MAP1S: variants seen among roughly 807,000 people sequenced by gnomAD.
The protein encoded by MAP1S is microtubule-associated protein 1S.
In MAP1S, 27 loss-of-function variants were observed where a neutral mutation model predicts 60.9. That is an observed-to-expected ratio of 0.44 (90% CI 0.33 to 0.61). MAP1S has a LOEUF of 0.61. Ranked by LOEUF, MAP1S falls within the 20% of genes least tolerant of loss-of-function variation. MAP1S has a pLI of 0.03. For missense variants in MAP1S, 1,608 were observed against 1,486.6 expected (o/e 1.08, Z -1.34); for synonymous variants, 826 against 694.2 (o/e 1.19, Z -2.98).
At chr19:17,719,728 G>C in intron 1 of MAP1S, 108 bp downstream of exon 1, 1 of 349,178 alleles carries the variant, frequency 2.9e-6, no homozygotes, top group Non-Finnish European at 4.1e-6. Flanking sequence ...GCGGGACCCG[G>C]GCTCCGGGGC....
intron 2 of MAP1S, among the ~76,000 whole-genome samples, chr19:17,723,440 C>G (rs1432165207): frequency 6.6e-6 from 1 of 151,820 alleles, no homozygotes; most frequent in Admixed American, 6.6e-5. Context: ...CCCAGCTACT[C>G]GGGAGGCTGA....
intron 1 of MAP1S, chr19:17,720,274 C>T: frequency 7.0e-7 from 1 of 1,418,532 alleles, no homozygotes; most frequent in Non-Finnish European, 9.2e-7. Flanking sequence ...AGCATCTGGA[C>T]CTGGCGTTTC....
rs141023970 is a variant in MAP1S at position 17,733,559 on chromosome 19, A to G, written c.3024+131A>G. 251 of 712,458 alleles carry G rather than the reference A, an allele frequency of 3.5e-4. No individual in the cohort carries two copies. In the African/African-American group the frequency reaches 3.6e-3, roughly 10 times the overall value. 44.1% of individuals were successfully genotyped at this position (712,458 alleles called of 1,614,324 possible). ...ATGGGGGCGAATGTGGGAGTCTCAC[A>G]TGGCTCAGCCCTTAGGGGTCTCTTC... On this transcript the variant is annotated intron_variant, in intron 6 of 6. Transcript: ENST00000324096.
In MAP1S at chr19:17,725,770, C is replaced by G; in HGVS notation, c.445-59C>G. On this transcript the variant is annotated intron_variant, in intron 4 of 6. Transcript: ENST00000324096. This position sits in a 1 kb window ranked among gnomAD's most constrained non-coding sequence, Gnocchi z 4.2. The stretch of plus-strand genomic sequence containing the variant: ...ATGAGGGTGTCCTCGCCCAGTTTTC[C>G]CACCGGGCTAGGTGTTGCCTGGCTC... 1 of 1,517,332 alleles carries G rather than the reference C, an allele frequency of 6.6e-7. No individual in the cohort carries two copies. Among genetic ancestry groups the G allele is most frequent in the Admixed American group, 2.0e-5 (1 of 49,482 alleles). 94.0% of individuals were successfully genotyped at this position (1,517,332 alleles called of 1,614,324 possible).
At position 17,727,757 on chromosome 19, in the gene MAP1S, G is replaced by T. The variant is rs2080453038; in HGVS notation, c.2373G>T (p.Leu791=). Residue 791 remains leucine, a synonymous_variant, in exon 5 of 7, where the codon CTG becomes CTT. Transcript: ENST00000324096. This position sits in a 1 kb window ranked among gnomAD's most constrained non-coding sequence, Gnocchi z 4.1. The part of the protein sequence containing the change: ...ETPPTSVSES[L]PTLSDSDPVP... ...CACCCACATCGGTCAGCGAGTCCCT[G>T]CCCACCCTGTCTGACTCGGATCCCG... is the stretch of plus-strand genomic sequence containing the variant. 1 of 1,608,628 alleles carries T rather than the reference G, an allele frequency of 6.2e-7. No homozygotes were observed. Among genetic ancestry groups the T allele is most frequent in the Non-Finnish European group, 8.5e-7 (1 of 1,177,520 alleles).
intron 5 of MAP1S, among the ~76,000 whole-genome samples, chr19:17,729,480 G>A (rs1039391939): frequency 6.6e-6 from 1 of 152,166 alleles, no homozygotes; most frequent in Non-Finnish European, 1.5e-5. Context: ...GCCTTGCTGA[G>A]AGGAGGGTCT....
At chr19:17,724,993 C>CT in intron 3 of MAP1S, 56 bp from the exon 4 acceptor site, 2 of 1,612,146 alleles carry the variant, frequency 1.2e-6, no homozygotes, top group Non-Finnish European at 1.7e-6. Flanking sequence ...CCAAAGAGGA[C>CT]TGCTGGATAC....
chr19:17,725,716 G>A lies in MAP1S; in HGVS notation c.445-113G>A, dbSNP rs553449451. On this transcript the variant is annotated intron_variant, in intron 4 of 6. Coordinates refer to ENST00000324096, the MANE Select transcript of MAP1S (RefSeq NM_018174.6). The surrounding 1 kb of genome is among the most constrained non-coding windows in gnomAD (Gnocchi z 4.2). ...GAGAGGGTTGGGTTTTGGCGGGAGG[G>A]CCCTGAGGAGCAGGCCCTGGGGGAA... 4.0e-5 allele frequency: 43 copies of A among 1,072,508 alleles called. No homozygotes were observed. The East Asian group carries it at 1.0e-3, about 25-fold the overall frequency. The allele number at this position is 1,072,508 out of a possible 1,614,324, so 66.4% of individuals were successfully genotyped here.
In MAP1S at chr19:17,727,644, GCA is replaced by G; in HGVS notation, c.2262_2263del (p.Pro755GlyfsTer10). On this transcript the variant is annotated frameshift_variant, in exon 5 of 7. Transcript: ENST00000324096. LOFTEE classifies it high-confidence loss of function. This position sits in a 1 kb window ranked among gnomAD's most constrained non-coding sequence, Gnocchi z 4.1. ...EFEHRKAVPM[A>X]PAPASPGSSN... ...TGAGCATCGCAAGGCGGTGCCAATGGCACCGGCACCTGCGTCCCCCGGCAGCT... is the reference window on the plus strand; with the variant it reads ...TGAGCATCGCAAGGCGGTGCCAATGGCCGGCACCTGCGTCCCCCGGCAGCT... The G allele has an allele frequency of 6.2e-7, 1 of 1,608,342 alleles. No homozygotes were observed. The highest frequency in any genetic ancestry group is 1.1e-5 in the South Asian group (1 of 91,030).
chr19:17,725,250 AG>A lies in MAP1S; in HGVS notation c.444+63del. 1 of 1,547,076 alleles carries A rather than the reference AG, an allele frequency of 6.5e-7. No homozygotes were observed. The highest frequency in any genetic ancestry group is 8.7e-7 in the Non-Finnish European group (1 of 1,146,206). On this transcript the variant is annotated intron_variant, in intron 4 of 6. Coordinates refer to ENST00000324096, the MANE Select transcript of MAP1S (RefSeq NM_018174.6). The surrounding 1 kb of genome is among the most constrained non-coding windows in gnomAD (Gnocchi z 4.2). ...CTCTGAATCCTGACTGGGGTGTATC[AG>A]GCTGTGTGGCACCAGCGACCTGCTG...
At chr19:17,728,241 CCT>C (rs1034891852) in intron 5 of MAP1S, 69 bp downstream of exon 5, 34 of 1,455,038 alleles carry the variant, frequency 2.3e-5, no homozygotes, top group Middle Eastern at 1.9e-4. Context: ...AGCTCGTCCC[CCT>C]GTTTTTACAT....
intron 5 of MAP1S, chr19:17,728,592 G>A (rs1399877230): frequency 1.3e-5 from 2 of 155,972 alleles, no homozygotes; most frequent in Non-Finnish European, 1.4e-5. Context: ...TTTCGTTCTT[G>A]TTGCCCAGGC....
chr19:17,721,217 T>G lies in MAP1S; in HGVS notation c.220+180T>G, dbSNP rs565217988. ...CCCCTCAGTCCTCAGCAACCCACAG[T>G]GCAGGAACTGGTGTTTTTGTCCCTG... On this transcript the variant is annotated intron_variant, in intron 2 of 6. Transcript: ENST00000324096. 10 of 627,888 alleles carry G rather than the reference T, an allele frequency of 1.6e-5. No homozygotes were observed. In the South Asian group the frequency reaches 1.7e-4, roughly 11 times the overall value. The allele number at this position is 627,888 out of a possible 1,614,324, so 38.9% of individuals were successfully genotyped here.
rs1429881306 is a variant in MAP1S at position 17,727,252 on chromosome 19, C to T, written c.1868C>T (p.Ala623Val). The change falls in exon 5 of 7, where the codon GCA (alanine) becomes GTA (valine). Residue 623 changes from alanine to valine, a missense_variant. Transcript: ENST00000324096. This position sits in a 1 kb window ranked among gnomAD's most constrained non-coding sequence, Gnocchi z 4.1. Reference sequence around the variant, plus strand: ...CCGATCCCAGCCGGGGAGGAGAAGGCACTGGAGCTGCCTTTGGCCGCCAGC... The same window carrying T: ...CCGATCCCAGCCGGGGAGGAGAAGGTACTGGAGCTGCCTTTGGCCGCCAGC... The part of the protein sequence containing the change: ...LGPIPAGEEK[A>V]LELPLAASSI... The T allele has an allele frequency of 1.9e-6, 3 of 1,572,440 alleles. No homozygotes were observed. Among genetic ancestry groups the T allele is most frequent in the Non-Finnish European group, 2.6e-6 (3 of 1,164,416 alleles).
rs775468114 is a variant in MAP1S at position 17,727,369 on chromosome 19, G to C, written c.1985G>C (p.Gly662Ala). The change falls in exon 5 of 7, where the codon GGG (glycine) becomes GCG (alanine). Residue 662 changes from glycine to alanine, a missense_variant. Gly to Ala is a moderately conservative substitution (Grantham distance 60, BLOSUM62 0). Coordinates refer to ENST00000324096, the MANE Select transcript of MAP1S (RefSeq NM_018174.6). The surrounding 1 kb of genome is among the most constrained non-coding windows in gnomAD (Gnocchi z 4.1). Reference sequence around the variant, plus strand: ...CTGTCGCTGAGCCCACTGCGGGGCGGGGAGGCCGGGCCAGACGCCTCACCC... The same window carrying C: ...CTGTCGCTGAGCCCACTGCGGGGCGCGGAGGCCGGGCCAGACGCCTCACCC... ...ERLSLSPLRG[G>A]EAGPDASPTV... 1.2e-5 allele frequency: 19 copies of C among 1,589,004 alleles called. No homozygotes were observed. Among genetic ancestry groups the C allele is most frequent in the Non-Finnish European group, 1.6e-5 (19 of 1,170,104 alleles).
Position 17,727,598 on chromosome 19 carries a change from C to T in MAP1S, c.2214C>T (p.Cys738=), listed in dbSNP as rs1230637583. The change falls in exon 5 of 7, where the codon TGC becomes TGT. Residue 738 remains cysteine (C), a synonymous_variant. Transcript: ENST00000324096. The surrounding 1 kb of genome is among the most constrained non-coding windows in gnomAD (Gnocchi z 4.1). ...RSASPHDVDL[C]LVSPCEFEHR... is the part of the protein sequence containing the mutation. The stretch of plus-strand genomic sequence containing the variant: ...CTTCCCCACACGATGTGGACCTGTG[C>T]CTGGTGTCACCCTGTGAATTTGAGC... 1 of 1,607,340 alleles carries T rather than the reference C, an allele frequency of 6.2e-7. No individual in the cohort carries two copies. Among genetic ancestry groups the T allele is most frequent in the Non-Finnish European group, 8.5e-7 (1 of 1,179,738 alleles).
chr19:17,726,469 T>G lies in MAP1S; in HGVS notation c.1085T>G (p.Leu362Arg). ...EDEAELALSL[L>R]AQLGITPLPL... ...GAGGCGGAGCTGGCGCTGAGCCTCC[T>G]GGCGCAGCTGGGCATCACGCCTCTG... The change falls in exon 5 of 7, where the codon CTG (leucine) becomes CGG (arginine). Residue 362 changes from leucine to arginine, a missense_variant. Transcript: ENST00000324096. 1 of 1,549,888 alleles carries G rather than the reference T, an allele frequency of 6.5e-7. No homozygotes were observed. The highest frequency in any genetic ancestry group is 8.7e-7 in the Non-Finnish European group (1 of 1,152,978).
rs2080431227 is a variant in MAP1S, at chr19:17,726,808, G to C, written c.1424G>C (p.Ser475Thr). 1.3e-6 allele frequency: 2 copies of C among 1,557,900 alleles called. No homozygotes were observed. Among genetic ancestry groups the C allele is most frequent in the Non-Finnish European group, 1.7e-6 (2 of 1,151,950 alleles). Residue 475 changes from serine (S) to threonine (T), a missense_variant, in exon 5 of 7, where the codon AGC becomes ACC. Ser to Thr is a moderately conservative substitution (Grantham distance 58). Around this residue, in one of 4 missense-constraint regions of MAP1S, gnomAD observed 1,167 missense variants for 961.4 expected, o/e 1.21. Transcript: ENST00000324096. ...EGPGRAESKE[S>T]VGSRDSSKRE... ...CCGGGGCGAGCCGAGAGCAAAGAGA[G>C]CGTGGGCTCCCGGGACAGCTCGAAG...
rs551644786 is a variant in MAP1S, at chr19:17,726,228, C to G, written c.844C>G (p.Leu282Val). 1 of 1,609,400 alleles carries G rather than the reference C, an allele frequency of 6.2e-7. No individual in the cohort carries two copies. The highest frequency in any genetic ancestry group is 1.3e-5 in the African/African-American group (1 of 74,994). ...KSSFWKLVRH[L>V]DRVDAVLVTH... The stretch of plus-strand genomic sequence containing the variant: ...CAGTTTCTGGAAGCTGGTGCGGCAC[C>G]TGGACCGCGTGGATGCCGTGCTGGT... The change falls in exon 5 of 7, where the codon CTG (leucine) becomes GTG (valine). Residue 282 changes from leucine (L) to valine (V), a missense_variant. By Grantham distance (32) the Leu-to-Val change is conservative. Coordinates refer to ENST00000324096, the MANE Select transcript of MAP1S (RefSeq NM_018174.6).
Sources: allele counts gnomAD v4.1 joint callset (sites outside exome capture counted in the v4.1 genomes callset), GRCh38; gene constraint gnomAD v4.1.1; regional missense constraint gnomAD v4.1.1; non-coding constraint Gnocchi (gnomAD v3.1); transcripts MANE v1.5; gene names NCBI Gene and HGNC (gene_info 2026-07-23, HGNC 2026-07-21).